SUPT3H: variants seen among roughly 807,000 people sequenced by gnomAD.
The protein encoded by SUPT3H is SPT3 homolog, SAGA and STAGA complex component.
Under a neutral mutation model 44.3 loss-of-function variants are expected in SUPT3H, and 44 were observed. The ratio of observed to expected loss-of-function variants is 0.99; its 90% confidence interval spans 0.78 to 1.28. SUPT3H has a LOEUF of 1.28. Ranked by LOEUF, SUPT3H falls within the 50% of genes most tolerant of loss-of-function variation. The pLI is 0.00. For synonymous variants in SUPT3H, 124 were observed against 125.6 expected (o/e 0.99, Z 0.09); for missense variants, 380 against 387.1 (o/e 0.98, Z 0.15).
intron 10 of SUPT3H, among the ~76,000 whole-genome samples, chr6:44,911,515 G>A (rs2153453101): frequency 6.6e-6 from 1 of 152,230 alleles, no homozygotes; most frequent in South Asian, 2.1e-4. Context: ...TTTGTCAGCT[G>A]TATTAGTACC....
intron 2 of SUPT3H, among the ~76,000 whole-genome samples, chr6:45,334,449 C>CAAAAAAAAAAAA (rs551014969): frequency 5.4e-5 from 5 of 91,748 alleles, no homozygotes; most frequent in Admixed American, 2.3e-4. Context: ...TCAGGAAAAG[C>CAAAAAAAAAAAA]AAAAAAAAAA....
chr6:45,281,570 G>A (rs1406055376), intron 2 of SUPT3H, among the ~76,000 whole-genome samples: 1 of 152,194 alleles, frequency 6.6e-6, no homozygotes, highest in Non-Finnish European at 1.5e-5. Flanking sequence ...GCCGACGCTT[G>A]AGTAGCTAAA....
At chr6:45,116,531 T>A (rs936798997) in intron 2 of SUPT3H, among the ~76,000 whole-genome samples, 3 of 152,180 alleles carry the variant, frequency 2.0e-5, no homozygotes, top group Non-Finnish European at 4.4e-5. Context: ...GGAGAGATAT[T>A]TGTTCCAGTA....
chr6:45,003,612 T>A (rs1311953229), intron 6 of SUPT3H, 41 bp downstream of exon 6: 1 of 1,602,634 alleles, frequency 6.2e-7, no homozygotes, highest in Non-Finnish European at 8.5e-7. Flanking sequence ...GGCACTGCAA[T>A]GATTGTTCTA....
chr6:45,332,211 T>C lies in SUPT3H; in HGVS notation c.101+32990A>G, dbSNP rs556630405. On this transcript the variant is annotated intron_variant, in intron 2 of 10. Transcript: ENST00000371459. ...ACATTCTGTATCACAACTTTTTTTTTCAACAAATATTCATCTAGAGGGCTT... is the reference window on the plus strand; with the variant it reads ...ACATTCTGTATCACAACTTTTTTTTCCAACAAATATTCATCTAGAGGGCTT... 3.9e-5 allele frequency among the ~76,000 whole-genome samples: 6 copies of C among 151,978 alleles called. No individual in the cohort carries two copies. The East Asian group carries it at 1.2e-3, about 29-fold the overall frequency.
chr6:44,929,769 C>CT (rs35174513), intron 10 of SUPT3H, among the ~76,000 whole-genome samples: 7,471 of 143,834 alleles, frequency 0.052, 610 homozygotes, highest in African/African-American at 0.18. Context: ...CATGAGCTCC[C>CT]TTTTTTTTTT....
chr6:45,114,604 G>C (rs1800570574), intron 2 of SUPT3H, among the ~76,000 whole-genome samples: 1 of 152,082 alleles, frequency 6.6e-6, no homozygotes, highest in Admixed American at 6.5e-5. Flanking sequence ...ATGTGCATCT[G>C]AGAAAGTTTA....
chr6:45,061,237 A>G (rs1791959685), intron 3 of SUPT3H, among the ~76,000 whole-genome samples: 1 of 152,212 alleles, frequency 6.6e-6, no homozygotes, highest in African/African-American at 2.4e-5. Context: ...AAAATGTGGT[A>G]CATATACACC....
At chr6:44,931,717 TAAC>T (rs1429099190) in intron 10 of SUPT3H, among the ~76,000 whole-genome samples, 2 of 151,948 alleles carry the variant, frequency 1.3e-5, no homozygotes, top group Non-Finnish European at 2.9e-5. Context: ...TCTACATAAT[TAAC>T]AACAACTAAA....
At chr6:44,956,460 G>A (rs189336392) in intron 7 of SUPT3H, among the ~76,000 whole-genome samples, 2 of 106,350 alleles carry the variant, frequency 1.9e-5, no homozygotes, top group Non-Finnish European at 3.5e-5. Flanking sequence ...CAACAAGAGC[G>A]AAACTGTCTC....
At chr6:44,983,064 T>C (rs1455273542) in intron 6 of SUPT3H, among the ~76,000 whole-genome samples, 1 of 152,226 alleles carries the variant, frequency 6.6e-6, no homozygotes, top group Non-Finnish European at 1.5e-5. Flanking sequence ...GAGAGAAGTA[T>C]ATCTAAGAGA....
intron 10 of SUPT3H, among the ~76,000 whole-genome samples, chr6:44,830,268 G>T (rs762825461): frequency 6.6e-6 from 1 of 151,964 alleles, no homozygotes; most frequent in South Asian, 2.1e-4. Context: ...GGCCCTTCCC[G>T]GGCCTAATTT....
At chr6:45,230,662 C>CTATATATATATATATA (rs66480751) in intron 2 of SUPT3H, among the ~76,000 whole-genome samples, 21 of 68,730 alleles carry the variant, frequency 3.1e-4, no homozygotes, top group African/African-American at 7.3e-4. Context: ...TTCATTCAGT[C>CTATATATATATATATA]TATATATATA....
At chr6:45,160,769 A>C (rs1399678277) in intron 2 of SUPT3H, among the ~76,000 whole-genome samples, 2 of 152,162 alleles carry the variant, frequency 1.3e-5, no homozygotes, top group Non-Finnish European at 2.9e-5. Context: ...TATACAAGAA[A>C]AAATATGGAT....
intron 2 of SUPT3H, among the ~76,000 whole-genome samples, chr6:45,176,021 G>T (rs1271658684): frequency 2.0e-5 from 3 of 152,122 alleles, no homozygotes; most frequent in Non-Finnish European, 4.4e-5. Flanking sequence ...CAATCTGATT[G>T]CTCACCTTGG....
intron 1 of SUPT3H, chr6:45,371,768 TA>T: frequency 1.1e-6 from 1 of 901,426 alleles, no homozygotes; most frequent in Non-Finnish European, 1.3e-6. Flanking sequence ...GGTAGATGGA[TA>T]AGCAACTATA....
chr6:45,174,338 T>G (rs1243072513), intron 2 of SUPT3H, among the ~76,000 whole-genome samples: 2 of 152,204 alleles, frequency 1.3e-5, no homozygotes, highest in Non-Finnish European at 2.9e-5. Context: ...ATCGCCTTTC[T>G]CTAAATAAAC....
At chr6:45,321,065 T>C (rs1030681206) in intron 2 of SUPT3H, among the ~76,000 whole-genome samples, 1 of 152,256 alleles carries the variant, frequency 6.6e-6, no homozygotes, top group Admixed American at 6.5e-5. Context: ...TGAATTACCA[T>C]AATACAAACT....
At chr6:45,224,927 T>C (rs1766680861) in intron 2 of SUPT3H, among the ~76,000 whole-genome samples, 1 of 152,144 alleles carries the variant, frequency 6.6e-6, no homozygotes, top group Non-Finnish European at 1.5e-5. Flanking sequence ...AAAGTTATCA[T>C]TATGTGTATT....
Sources: gnomAD v4.1 joint callset for allele counts (sites outside exome capture counted in the v4.1 genomes callset) on GRCh38, gnomAD v4.1.1 for gene constraint, MANE v1.5 for transcripts, NCBI Gene and HGNC (gene_info 2026-07-23, HGNC 2026-07-21) for gene names.